The following PKHD1L1 variants were observed in gnomAD, a reference collection of about 807,000 sequenced individuals.
The protein encoded by PKHD1L1 is fibrocystin-L.
Under a neutral mutation model 462.9 loss-of-function variants are expected in PKHD1L1, and 434 were observed. That is an observed-to-expected ratio of 0.94 (90% confidence interval 0.87 to 1.02). The LOEUF (loss-of-function observed/expected upper bound fraction) is 1.02, where lower values mean the gene tolerates loss of function less well. Among genes scored for constraint, PKHD1L1 ranks in the 50% least tolerant of loss-of-function variants. PKHD1L1 has a pLI of 0.00. For synonymous variants in PKHD1L1, 1,781 were observed against 1,750.0 expected, an observed-to-expected ratio of 1.02 and a Z score of -0.44; for missense variants, 5,202 against 5,096.1, an observed-to-expected ratio of 1.02 and a Z score of -0.63.
At chr8:109,408,020 T>C (rs773384012) in intron 17 of PKHD1L1, 29 bp from the exon 18 acceptor site, 2 of 1,538,154 alleles carry the variant, frequency 1.3e-6, no homozygotes, top group Non-Finnish European at 1.8e-6. Flanking sequence ...AGTTAATGTC[T>C]ACAAATTCTG....
At chr8:109,394,113 G>A (rs1812838540) in intron 9 of PKHD1L1, among the ~76,000 whole-genome samples, 1 of 142,204 alleles carries the variant, frequency 7.0e-6, no homozygotes, top group Non-Finnish European at 1.5e-5. Context: ...GGCAAAGGTT[G>A]CAGTGAGCCA....
rs773975348 is a variant in PKHD1L1 at position 109,527,031 on chromosome 8, T to C, written c.12721+11T>C. 2 of 1,576,842 alleles carry C rather than the reference T, an allele frequency of 1.3e-6. No homozygotes were observed. The highest frequency in any genetic ancestry group is 1.7e-6 in the Non-Finnish European group (2 of 1,149,676). ...TGAATATAACTTTAAGTAAGTACAG[T>C]CCATTAATACATTATTTCTCCACAT... On this transcript the variant is annotated intron_variant, in intron 77 of 77. Transcript: ENST00000378402.
intron 2 of PKHD1L1, among the ~76,000 whole-genome samples, chr8:109,371,392 T>C (rs1811499170): frequency 6.6e-6 from 1 of 151,840 alleles, no homozygotes. Context: ...TCATTGTAGA[T>C]TCTGGATATT....
At chr8:109,502,973 T>C (rs1278878770) in intron 67 of PKHD1L1, among the ~76,000 whole-genome samples, 2 of 152,156 alleles carry the variant, frequency 1.3e-5, no homozygotes, top group Non-Finnish European at 2.9e-5. Context: ...ATCTCTCAGG[T>C]GAGGGAACTC....
intron 14 of PKHD1L1, among the ~76,000 whole-genome samples, 195 bp from the exon 15 acceptor site, chr8:109,404,359 T>C (rs1445429083): frequency 6.6e-6 from 1 of 152,188 alleles, no homozygotes; most frequent in Non-Finnish European, 1.5e-5. Flanking sequence ...AATGCAGATA[T>C]CTTACATAAT....
intron 10 of PKHD1L1, among the ~76,000 whole-genome samples, chr8:109,394,850 T>A (rs758160024): frequency 6.6e-6 from 1 of 152,212 alleles, no homozygotes; most frequent in Non-Finnish European, 1.5e-5. Context: ...GGTGACCCCA[T>A]CATAAGTTGA....
rs1821029211 is a variant in PKHD1L1, at chr8:109,531,028, C to G, written c.*938C>G. Among the ~76,000 whole-genome samples, 1 of 152,148 alleles carries G rather than the reference C, an allele frequency of 6.6e-6. No individual in the cohort carries two copies. Among genetic ancestry groups the G allele is most frequent in the Admixed American group, 6.5e-5 (1 of 15,272 alleles). ...GTATTGAAAATAGCAATTCTTTACTCAGAAAATTCTAAAGGGAATACTTAA... is the reference window on the plus strand; with the variant it reads ...GTATTGAAAATAGCAATTCTTTACTGAGAAAATTCTAAAGGGAATACTTAA... On this transcript the variant is annotated 3_prime_UTR_variant, in exon 78 of 78. Transcript: ENST00000378402.
intron 52 of PKHD1L1, among the ~76,000 whole-genome samples, chr8:109,476,916 G>C (rs1280166709): frequency 6.6e-6 from 1 of 152,038 alleles, no homozygotes; most frequent in African/African-American, 2.4e-5. Context: ...CATGGGCTTA[G>C]AGAAAATGAA....
intron 50 of PKHD1L1, among the ~76,000 whole-genome samples, chr8:109,469,934 T>C (rs2130851298): frequency 6.6e-6 from 1 of 152,266 alleles, no homozygotes; most frequent in African/African-American, 2.4e-5. Flanking sequence ...TGAAGTGATA[T>C]TTTAGTATTT....
At chr8:109,373,660 C>G (rs1419064231) in intron 2 of PKHD1L1, among the ~76,000 whole-genome samples, 1 of 152,210 alleles carries the variant, frequency 6.6e-6, no homozygotes, top group Non-Finnish European at 1.5e-5. Flanking sequence ...AAATTTCCCT[C>G]TACACACTGC....
Position 109,401,536 on chromosome 8 carries a change from T to C in PKHD1L1, c.1321T>C (p.Phe441Leu), listed in dbSNP as rs1251654667. 1 of 1,595,318 alleles carries C rather than the reference T, an allele frequency of 6.3e-7. No homozygotes were observed. The highest frequency in any genetic ancestry group is 1.1e-5 in the South Asian group (1 of 90,026). ...TCATTCTGCTAATGCCAACAGTTAT[T>C]TTTCCAGTCCAACACAAAGATCAGA... The part of the protein sequence containing the change: ...AYHSANANSY[F>L]SSPTQRSDDI... The change falls in exon 14 of 78, where the codon TTT becomes CTT. Residue 441 changes from phenylalanine to leucine, a missense_variant. Physicochemically the swap from Phe to Leu is conservative, Grantham distance 22. Transcript: ENST00000378402.
intron 66 of PKHD1L1, 22 bp from the exon 67 acceptor site, chr8:109,498,633 A>G (rs202153511): frequency 3.3e-5 from 53 of 1,612,608 alleles, no homozygotes; most frequent in Non-Finnish European, 4.3e-5. Context: ...ATTTTCATTA[A>G]CTTTTTCTTT....
At chr8:109,523,493 A>T in intron 76 of PKHD1L1, 107 bp downstream of exon 76, 1 of 1,122,350 alleles carries the variant, frequency 8.9e-7, no homozygotes, top group Non-Finnish European at 1.2e-6. Context: ...AATAAATTAT[A>T]GACATCAGAA....
rs1299947300 is a variant in PKHD1L1 at position 109,454,749 on chromosome 8, A to G, written c.6771A>G (p.Gln2257=). The G allele has an allele frequency of 2.5e-6, 4 of 1,613,736 alleles. No individual in the cohort carries two copies. The highest frequency in any genetic ancestry group is 1.7e-5 in the Admixed American group (1 of 59,986). The change falls in exon 45 of 78, where the codon CAA becomes CAG. Residue 2257 remains glutamine (Q), a synonymous_variant. Transcript: ENST00000378402. The part of the protein sequence containing the change: ...LQIGTETSPF[Q]HKAVITLHGH... ...TTGGAACAGAGACATCCCCATTCCA[A>G]CACAAGGCTGTCATTACCTTGCATG...
Position 109,413,417 on chromosome 8 carries a change from G to T in PKHD1L1, c.2236-4G>T. On this transcript the variant is annotated splice_polypyrimidine_tract_variant and splice_region_variant and intron_variant, in intron 20 of 77. Transcript: ENST00000378402. ...TTACCAATGTTTTTCATATTTTTAT[G>T]TAGTTATGTTTAGCATACAAAGGAT... The T allele has an allele frequency of 6.7e-7, 1 of 1,489,520 alleles. No homozygotes were observed. The highest frequency in any genetic ancestry group is 9.1e-7 in the Non-Finnish European group (1 of 1,101,880). 92.3% of individuals were successfully genotyped at this position (1,489,520 alleles called of 1,614,324 possible). A position where few individuals can be genotyped will look rare whatever the true frequency, so the allele number is the denominator to read the frequency against.
chr8:109,496,641 C>T (rs972645760), intron 63 of PKHD1L1, among the ~76,000 whole-genome samples: 5 of 152,206 alleles, frequency 3.3e-5, no homozygotes, highest in African/African-American at 1.2e-4. Context: ...GCCTGTAGTC[C>T]CAGCTACTCA....
intron 73 of PKHD1L1, 52 bp from the exon 74 acceptor site, chr8:109,522,134 C>T (rs772350225): frequency 3.4e-6 from 5 of 1,475,302 alleles, no homozygotes; most frequent in Non-Finnish European, 4.6e-6. Flanking sequence ...CTCATGTGTT[C>T]TCACAATTCT....
chr8:109,530,083 G>A lies in PKHD1L1; in HGVS notation c.12725G>A (p.Ser4242Asn). ...AVSTLNITLR[S>N]Y ...TTGTATTGTTTCCATTTTTCAGGAA[G>A]CTACTAAAGTGCTGTTCCGAAGAAT... Residue 4242 changes from serine (S) to asparagine (N), a missense_variant, in exon 78 of 78, where the codon AGC becomes AAC. Ser to Asn is a conservative substitution (Grantham distance 46, BLOSUM62 1). Coordinates refer to ENST00000378402, the MANE Select transcript of PKHD1L1 (RefSeq NM_177531.6). 2 of 1,360,774 alleles carry A rather than the reference G, an allele frequency of 1.5e-6. No individual in the cohort carries two copies. The highest frequency in any genetic ancestry group is 1.8e-5 in the South Asian group (1 of 55,560). The allele number at this position is 1,360,774 out of a possible 1,614,324, so 84.3% of individuals were successfully genotyped here. A position where few individuals can be genotyped will look rare whatever the true frequency, so the allele number is the denominator to read the frequency against.
chr8:109,460,588 C>T (rs1291329265), intron 47 of PKHD1L1, among the ~76,000 whole-genome samples: 1 of 152,112 alleles, frequency 6.6e-6, no homozygotes, highest in Non-Finnish European at 1.5e-5. Context: ...TGGCATCTAC[C>T]AACTAAATTC....
Sources: allele counts gnomAD v4.1 joint callset (sites outside exome capture counted in the v4.1 genomes callset), GRCh38; gene constraint gnomAD v4.1.1; transcripts MANE v1.5; gene names NCBI Gene and HGNC (gene_info 2026-07-23, HGNC 2026-07-21).